The following SH3RF3 variants were observed in gnomAD, a reference collection of about 807,000 sequenced individuals.
The protein encoded by SH3RF3 is SH3 domain containing ring finger 3.
SH3RF3 carries 29 observed loss-of-function variants against 66.3 expected under a neutral mutation model. The ratio of observed to expected loss-of-function variants is 0.44; its 90% CI spans 0.33 to 0.60. SH3RF3 has a LOEUF of 0.60. Among genes scored for constraint, SH3RF3 ranks in the 20% least tolerant of loss-of-function variants. SH3RF3 has a pLI of 0.04. For synonymous variants in SH3RF3, 583 were observed against 532.0 expected (o/e 1.10, Z -1.32); for missense variants, 1,194 against 1,190.9 (o/e 1.00, Z -0.04).
intron 1 of SH3RF3, among the ~76,000 whole-genome samples, chr2:109,246,641 A>G (rs1428490300): frequency 6.6e-6 from 1 of 152,168 alleles, no homozygotes; most frequent in East Asian, 1.9e-4. Flanking sequence ...ATCTCCCTGC[A>G]CGTGTCTTAT....
At chr2:109,160,664 G>A (rs1488236351) in intron 1 of SH3RF3, among the ~76,000 whole-genome samples, 1 of 152,208 alleles carries the variant, frequency 6.6e-6, no homozygotes, top group Non-Finnish European at 1.5e-5. Flanking sequence ...CAATGGTGGG[G>A]CTGGGGTTCA....
chr2:109,458,345 C>A (rs1271638634), intron 8 of SH3RF3, among the ~76,000 whole-genome samples: 4 of 152,108 alleles, frequency 2.6e-5, no homozygotes, highest in African/African-American at 2.4e-5. Context: ...TATAGGATTT[C>A]TTTGTAAGAC....
intron 1 of SH3RF3, among the ~76,000 whole-genome samples, chr2:109,282,137 A>G (rs1254704686): frequency 6.6e-6 from 1 of 152,112 alleles, no homozygotes; most frequent in African/African-American, 2.4e-5. Flanking sequence ...TTCCTCCCTA[A>G]GGAGCAGTTT....
intron 1 of SH3RF3, among the ~76,000 whole-genome samples, chr2:109,240,732 G>A (rs905773567): frequency 6.6e-6 from 1 of 151,968 alleles, no homozygotes; most frequent in Non-Finnish European, 1.5e-5. Flanking sequence ...GCACCCTTCT[G>A]TTTCCTTCTG....
intron 1 of SH3RF3, among the ~76,000 whole-genome samples, chr2:109,174,809 G>A (rs56832806): frequency 0.028 from 4,193 of 152,276 alleles, 174 homozygotes; most frequent in African/African-American, 0.094. Context: ...TGAGGGCAGG[G>A]GCTTAGCGTG....
intron 1 of SH3RF3, among the ~76,000 whole-genome samples, chr2:109,301,100 C>G (rs555218072): frequency 1.3e-5 from 2 of 152,300 alleles, no homozygotes; most frequent in South Asian, 4.1e-4. Context: ...ATAATCATTG[C>G]TATTTTAATA....
chr2:109,302,322 A>G (rs1459983777), intron 1 of SH3RF3, among the ~76,000 whole-genome samples: 2 of 152,262 alleles, frequency 1.3e-5, no homozygotes, highest in Non-Finnish European at 2.9e-5. Flanking sequence ...GTGATGGATC[A>G]GTCAGGATGG....
At chr2:109,453,396 T>G (rs972502315) in intron 8 of SH3RF3, among the ~76,000 whole-genome samples, 1 of 152,228 alleles carries the variant, frequency 6.6e-6, no homozygotes, top group African/African-American at 2.4e-5. Context: ...ATTTTGTGCT[T>G]GAAACAACCA....
At chr2:109,138,166 C>T (rs1461932530) in intron 1 of SH3RF3, among the ~76,000 whole-genome samples, 1 of 152,178 alleles carries the variant, frequency 6.6e-6, no homozygotes, top group Non-Finnish European at 1.5e-5. Flanking sequence ...TAGGCGAGCA[C>T]CACCACGCCC....
At chr2:109,210,697 G>A (rs1011654822) in intron 1 of SH3RF3, among the ~76,000 whole-genome samples, 1 of 152,194 alleles carries the variant, frequency 6.6e-6, no homozygotes, top group Non-Finnish European at 1.5e-5. Flanking sequence ...CAGGAAGGAG[G>A]TTGGGTTTTC....
intron 4 of SH3RF3, among the ~76,000 whole-genome samples, chr2:109,411,229 G>C (rs560227244): frequency 2.0e-5 from 3 of 152,198 alleles, no homozygotes; most frequent in African/African-American, 7.2e-5. Flanking sequence ...GTACATCCAG[G>C]CAGTGCGCAG....
intron 1 of SH3RF3, among the ~76,000 whole-genome samples, chr2:109,296,187 C>T (rs1681301700): frequency 6.6e-6 from 1 of 152,028 alleles, no homozygotes; most frequent in South Asian, 2.1e-4. Flanking sequence ...AGAGCCTCCT[C>T]CCATCTCCTG....
intron 1 of SH3RF3, among the ~76,000 whole-genome samples, chr2:109,281,557 A>G (rs1680893188): frequency 6.6e-6 from 1 of 152,110 alleles, no homozygotes; most frequent in Non-Finnish European, 1.5e-5. Flanking sequence ...AGGGTGATTC[A>G]CTGTGGGAGA....
chr2:109,465,520 C>T (rs1406193158), intron 8 of SH3RF3, among the ~76,000 whole-genome samples: 2 of 152,192 alleles, frequency 1.3e-5, no homozygotes, highest in African/African-American at 4.8e-5. Flanking sequence ...ATTTTGCCAT[C>T]CTAATAGTTA....
chr2:109,131,499 G>A (rs7582569), intron 1 of SH3RF3, among the ~76,000 whole-genome samples: 30,957 of 152,146 alleles, frequency 0.2, 3,918 homozygotes, highest in Middle Eastern at 0.36. Context: ...GATAAATTAT[G>A]TGATATTCGG....
chr2:109,336,279 G>C (rs1008764521), intron 1 of SH3RF3, among the ~76,000 whole-genome samples: 1 of 152,188 alleles, frequency 6.6e-6, no homozygotes, highest in Non-Finnish European at 1.5e-5. Flanking sequence ...TCTAGACTAG[G>C]TAAAATGACA....
chr2:109,216,084 G>C (rs1679096642), intron 1 of SH3RF3, among the ~76,000 whole-genome samples: 1 of 152,250 alleles, frequency 6.6e-6, no homozygotes, highest in East Asian at 1.9e-4. Flanking sequence ...GAAGAACGGA[G>C]CCTGTCAGCT....
intron 5 of SH3RF3, among the ~76,000 whole-genome samples, chr2:109,429,452 CTTAAAA>C (rs1448235352): frequency 1.3e-5 from 2 of 152,190 alleles, no homozygotes; most frequent in Non-Finnish European, 2.9e-5. Context: ...ACAGAACGAA[CTTAAAA>C]TTTAAGATGA....
intron 8 of SH3RF3, among the ~76,000 whole-genome samples, 197 bp downstream of exon 8, chr2:109,449,686 C>T (rs1196887096): frequency 2.0e-5 from 3 of 152,198 alleles, no homozygotes; most frequent in African/African-American, 7.2e-5. Context: ...ATCAGGCAGG[C>T]CTTGGGTGCT....
Sources: allele counts gnomAD v4.1 joint callset (sites outside exome capture counted in the v4.1 genomes callset), GRCh38; gene constraint gnomAD v4.1.1; transcripts MANE v1.5; gene names NCBI Gene and HGNC (gene_info 2026-07-23, HGNC 2026-07-21).